Variants in WSB1 observed in about 807,000 individuals in gnomAD.
The protein encoded by WSB1 is WD repeat and SOCS box containing 1.
In WSB1, 23 loss-of-function variants were observed where a neutral mutation model predicts 50.2. The observed-to-expected ratio is 0.46, with a 90% CI of 0.33 to 0.65. The LOEUF (loss-of-function observed/expected upper bound fraction) is 0.65. WSB1 is among the 30% of genes least tolerant of loss of function. The pLI is 0.02. For synonymous variants in WSB1, 179 were observed against 172.0 expected (o/e 1.04, Z -0.32); for missense variants, 492 against 522.3 (o/e 0.94, Z 0.56).
intron 8 of WSB1, among the ~76,000 whole-genome samples, chr17:27,311,919 A>AT (rs1309624068): frequency 7.2e-5 from 11 of 152,062 alleles, no homozygotes; most frequent in African/African-American, 2.7e-4. Context: ...AAGTGCTGGG[A>AT]TTACAGGCGT....
chr17:27,306,127 A>G (rs74496885), intron 4 of WSB1, among the ~76,000 whole-genome samples: 3,110 of 151,924 alleles, frequency 0.02, 53 homozygotes, highest in Non-Finnish European at 0.032. Flanking sequence ...GAAGATGGTC[A>G]AGTTTCTTAA....
intron 3 of WSB1, among the ~76,000 whole-genome samples, chr17:27,304,099 T>C (rs1038516955): frequency 6.6e-6 from 1 of 152,256 alleles, no homozygotes; most frequent in Non-Finnish European, 1.5e-5. Context: ...ATGTGTTGCT[T>C]ATTGCCTAAA....
At position 27,294,236 on chromosome 17, in the gene WSB1, C is replaced by A; in HGVS notation, c.-160C>A. The stretch of plus-strand genomic sequence containing the variant: ...TGGTCTGAGGCCTTCGGGAGCTTTC[C>A]CGAGGCAGTTAGCAGAAGCCGCAGC... On this transcript the variant is annotated 5_prime_UTR_variant, in exon 1 of 9. Coordinates refer to ENST00000262394, the MANE Select transcript of WSB1 (RefSeq NM_015626.10). 1 of 952,520 alleles carries A rather than the reference C, an allele frequency of 1.0e-6. No individual in the cohort carries two copies. Among genetic ancestry groups the A allele is most frequent in the Non-Finnish European group, 1.6e-6 (1 of 639,824 alleles). The allele number at this position is 952,520 out of a possible 1,614,324, so 59.0% of individuals were successfully genotyped here.
intron 4 of WSB1, among the ~76,000 whole-genome samples, chr17:27,305,496 C>T (rs2017412404): frequency 6.6e-6 from 1 of 152,218 alleles, no homozygotes; most frequent in Non-Finnish European, 1.5e-5. Flanking sequence ...GAGATGCTAC[C>T]TCATTTGAGA....
rs2017384033 is a variant in WSB1, at chr17:27,304,876, A to G, written c.575A>G (p.Asp192Gly). 1 of 1,613,988 alleles carries G rather than the reference A, an allele frequency of 6.2e-7. No individual in the cohort carries two copies. Among genetic ancestry groups the G allele is most frequent in the African/African-American group, 1.3e-5 (1 of 74,918 alleles). ...GSLILVSASR[D>G]KTLRVWDLKD... ...TTGATCCTGGTGTCAGCTTCAAGAG[A>G]CAAAACTCTCAGAGTATGGGACCTG... Residue 192 changes from aspartate (D) to glycine (G), a missense_variant, in exon 4 of 9, where the codon GAC (aspartate) becomes GGC (glycine). Coordinates refer to ENST00000262394, the MANE Select transcript of WSB1 (RefSeq NM_015626.10).
At chr17:27,305,330 A>G (rs752595935) in intron 4 of WSB1, among the ~76,000 whole-genome samples, 3 of 152,250 alleles carry the variant, frequency 2.0e-5, no homozygotes, top group African/African-American at 7.2e-5. Context: ...AACATGACCT[A>G]CATACCAGAA....
Position 27,301,827 on chromosome 17 carries a change from C to A in WSB1, c.80C>A (p.Ala27Asp). 2 of 1,614,112 alleles carry A rather than the reference C, an allele frequency of 1.2e-6. No homozygotes were observed. Among genetic ancestry groups the A allele is most frequent in the African/African-American group, 1.3e-5 (1 of 75,046 alleles). ...ATAGGTGAACTTTTAGCTCCTGCAG[C>A]TCCTTTTGACAAGAAATGTGGTCGT... ...RTIGELLAPA[A>D]PFDKKCGREN... Residue 27 changes from alanine (A) to aspartate (D), a missense_variant, in exon 2 of 9, where the codon GCT becomes GAT. Transcript: ENST00000262394.
chr17:27,312,392 T>C lies in WSB1; in HGVS notation c.*23T>C. On this transcript the variant is annotated 3_prime_UTR_variant, in exon 9 of 9. Coordinates refer to ENST00000262394, the MANE Select transcript of WSB1 (RefSeq NM_015626.10). ...TAGAAGATTCTGCCTTCCCTAGTAG[T>C]AGGGACTGACAGAATACACTTAACA... 1.2e-6 allele frequency: 2 copies of C among 1,612,286 alleles called. No individual in the cohort carries two copies. The highest frequency in any genetic ancestry group is 1.7e-6 in the Non-Finnish European group (2 of 1,179,636).
chr17:27,300,024 CAT>C (rs1189326093), intron 1 of WSB1, among the ~76,000 whole-genome samples: 1 of 152,124 alleles, frequency 6.6e-6, no homozygotes, highest in African/African-American at 2.4e-5. Flanking sequence ...GGGCAGATAA[CAT>C]ATTTAAATCA....
chr17:27,310,259 T>A, intron 7 of WSB1, 85 bp downstream of exon 7: 1 of 1,210,890 alleles, frequency 8.3e-7, no homozygotes, highest in Non-Finnish European at 1.2e-6. Context: ...TTAAGAGTTT[T>A]AATGTCTCTT....
intron 8 of WSB1, 146 bp downstream of exon 8, chr17:27,311,762 G>T: frequency 1.6e-6 from 1 of 623,704 alleles, no homozygotes; most frequent in Non-Finnish European, 2.6e-6. Flanking sequence ...CTCCCGAGTA[G>T]CTGGGACTAC....
chr17:27,306,937 C>T, intron 5 of WSB1, 55 bp downstream of exon 5: 1 of 1,534,324 alleles, frequency 6.5e-7, no homozygotes, highest in South Asian at 1.1e-5. Context: ...ATAATGTGTG[C>T]ATAATCATTT....
chr17:27,295,366 G>A (rs900566629), intron 1 of WSB1, among the ~76,000 whole-genome samples: 1 of 152,170 alleles, frequency 6.6e-6, no homozygotes, highest in Non-Finnish European at 1.5e-5. Flanking sequence ...AGTACAAGGA[G>A]GAGTTATTTC....
At position 27,306,886 on chromosome 17, in the gene WSB1, C is replaced by G. The variant is rs202117099; in HGVS notation, c.711+4C>G. On this transcript the variant is annotated splice_donor_region_variant and intron_variant, in intron 5 of 8. Transcript: ENST00000262394. ...TTCAGTCGGAGCCAGTAAAGCAGTA[C>G]GTGTCAAAGTTCTTGTACATTCATT... 6 of 1,613,540 alleles carry G rather than the reference C, an allele frequency of 3.7e-6. No homozygotes were observed. The highest frequency in any genetic ancestry group is 1.7e-5 in the Admixed American group (1 of 59,978).
At position 27,301,769 on chromosome 17, in the gene WSB1, T is replaced by A. The variant is rs773801599; in HGVS notation, c.41-19T>A. ...TGTTGGTTATATATGATATCCAGTA[T>A]TTTTATTTTTCCTTTTAGTGAGATT... On this transcript the variant is annotated intron_variant, in intron 1 of 8. Coordinates refer to ENST00000262394, the MANE Select transcript of WSB1 (RefSeq NM_015626.10). 6 of 1,611,834 alleles carry A rather than the reference T, an allele frequency of 3.7e-6. No individual in the cohort carries two copies. The Admixed American group carries it at 1.0e-4, about 27-fold the overall frequency.
intron 2 of WSB1, 160 bp downstream of exon 2, chr17:27,302,116 A>G (rs1272635849): frequency 2.9e-6 from 3 of 1,032,804 alleles, no homozygotes; most frequent in African/African-American, 1.7e-5. Context: ...AATTTTGTGT[A>G]AAGAATTCTT....
chr17:27,308,741 A>C lies in WSB1; in HGVS notation c.712-359A>C, dbSNP rs1432124028. The C allele has an allele frequency of 7.1e-6, 7 of 987,190 alleles. No homozygotes were observed. The African/African-American group carries it at 1.2e-4, about 17-fold the overall frequency. The allele number at this position is 987,190 out of a possible 1,614,324, so 61.2% of individuals were successfully genotyped here. A position where few individuals can be genotyped will look rare whatever the true frequency, so the allele number is the denominator to read the frequency against. ...ATCTGGTAGTTTCTGGAAAAAAAAG[A>C]GAAGGGGGTTTGTAGTACTTAACCC... is the stretch of plus-strand genomic sequence containing the variant. On this transcript the variant is annotated intron_variant, in intron 5 of 8. Coordinates refer to ENST00000262394, the MANE Select transcript of WSB1 (RefSeq NM_015626.10).
intron 1 of WSB1, among the ~76,000 whole-genome samples, chr17:27,295,805 C>T (rs2016937070): frequency 6.6e-6 from 1 of 150,850 alleles, no homozygotes; most frequent in Admixed American, 6.6e-5. Flanking sequence ...CCTGATAAAC[C>T]ATTTTGAAAA....
At chr17:27,303,199 CGTA>C in intron 2 of WSB1, 165 bp from the exon 3 acceptor site, 2 of 693,960 alleles carry the variant, frequency 2.9e-6, no homozygotes, top group South Asian at 2.5e-5. Flanking sequence ...GTCCTTCTCT[CGTA>C]GTTCAAATAT....
Sources: allele counts gnomAD v4.1 joint callset (sites outside exome capture counted in the v4.1 genomes callset), GRCh38; gene constraint gnomAD v4.1.1; transcripts MANE v1.5; gene names NCBI Gene and HGNC (gene_info 2026-07-23, HGNC 2026-07-21).